CNTN4: variants seen among roughly 807,000 people sequenced by gnomAD.
The protein encoded by CNTN4 is contactin-4.
CNTN4 carries 77 observed loss-of-function variants against 122.5 expected under a neutral mutation model. The ratio of observed to expected loss-of-function variants is 0.63; its 90% CI spans 0.52 to 0.76. The LOEUF (loss-of-function observed/expected upper bound fraction) is 0.76. CNTN4 is among the 30% of genes least tolerant of loss of function. The pLI is 0.00. For missense variants in CNTN4, 1,256 were observed against 1,259.1 expected (o/e 1.00, Z 0.04); for synonymous variants, 512 against 447.0 (o/e 1.15, Z -1.83).
chr3:2,898,093 G>A (rs990216131), intron 10 of CNTN4, among the ~76,000 whole-genome samples: 4 of 152,086 alleles, frequency 2.6e-5, no homozygotes, highest in African/African-American at 9.7e-5. Flanking sequence ...AAACTCACTC[G>A]TTTAGATATG....
chr3:2,798,381 C>CTATCTATCTATCTATCTATCTATA (rs1367347201), intron 6 of CNTN4, among the ~76,000 whole-genome samples: 5 of 150,662 alleles, frequency 3.3e-5, no homozygotes, highest in Admixed American at 2.0e-4. Context: ...ATCTATCTAT[C>CTATCTATCTATCTATCTATCTATA]TATCTATCTA....
intron 3 of CNTN4, among the ~76,000 whole-genome samples, chr3:2,566,813 T>C (rs554725915): frequency 6.6e-6 from 1 of 152,296 alleles, no homozygotes; most frequent in South Asian, 2.1e-4. Flanking sequence ...CAGGAAGAAC[T>C]CAGTGTGCGT....
At position 3,056,392 on chromosome 3, in the gene CNTN4, C is replaced by G. The variant is rs553628297; in HGVS notation, c.*172C>G. The G allele has an allele frequency of 1.5e-4, 86 of 591,556 alleles. No homozygotes were observed. In the African/African-American group the frequency reaches 1.5e-3, roughly 11 times the overall value. The allele number at this position is 591,556 out of a possible 1,614,324, so 36.6% of individuals were successfully genotyped here. ...TATACAGTACTTCCTCAAAGCAAAT[C>G]TAGCTTTGTCTGAAGTTTCTTTGGA... is the stretch of plus-strand genomic sequence containing the variant. On this transcript the variant is annotated 3_prime_UTR_variant, in exon 25 of 25. Coordinates refer to ENST00000418658, the MANE Select transcript of CNTN4 (RefSeq NM_175607.3).
At chr3:2,833,857 G>A (rs1393985121) in intron 7 of CNTN4, among the ~76,000 whole-genome samples, 1 of 152,114 alleles carries the variant, frequency 6.6e-6, no homozygotes, top group East Asian at 1.9e-4. Context: ...ATAAACAACT[G>A]GGCTGGGCGA....
intron 2 of CNTN4, among the ~76,000 whole-genome samples, chr3:2,273,942 T>C (rs1482599180): frequency 6.6e-6 from 1 of 152,250 alleles, no homozygotes; most frequent in Non-Finnish European, 1.5e-5. Context: ...AGCATTATTT[T>C]ATTTTATATA....
chr3:3,045,716 G>A (rs893039341), intron 23 of CNTN4, among the ~76,000 whole-genome samples: 1 of 152,186 alleles, frequency 6.6e-6, no homozygotes, highest in African/African-American at 2.4e-5. Flanking sequence ...CTAAAAATCA[G>A]AGCACCTCTC....
intron 6 of CNTN4, among the ~76,000 whole-genome samples, chr3:2,753,255 G>A (rs1559466554): frequency 6.6e-6 from 1 of 152,118 alleles, no homozygotes; most frequent in Non-Finnish European, 1.5e-5. Flanking sequence ...ATAATTTCGT[G>A]AGCTTGAACA....
At chr3:2,836,621 A>T (rs1039871452) in intron 7 of CNTN4, among the ~76,000 whole-genome samples, 1 of 152,206 alleles carries the variant, frequency 6.6e-6, no homozygotes, top group African/African-American at 2.4e-5. Context: ...GGACATGTAT[A>T]TAAAATGAGA....
intron 13 of CNTN4, among the ~76,000 whole-genome samples, chr3:2,945,310 CTCA>C (rs1420887433): frequency 6.6e-6 from 1 of 152,150 alleles, no homozygotes; most frequent in Non-Finnish European, 1.5e-5. Flanking sequence ...GTCTGAATTT[CTCA>C]TCATGTTCAA....
At chr3:2,666,462 G>C (rs1213034641) in intron 4 of CNTN4, among the ~76,000 whole-genome samples, 2 of 152,128 alleles carry the variant, frequency 1.3e-5, no homozygotes, top group Non-Finnish European at 2.9e-5. Flanking sequence ...AGTGCAATAA[G>C]TGGCTCTTTT....
At chr3:2,158,716 A>G (rs937146486) in intron 2 of CNTN4, among the ~76,000 whole-genome samples, 9 of 152,218 alleles carry the variant, frequency 5.9e-5, no homozygotes, top group African/African-American at 2.2e-4. Flanking sequence ...TCCAGAAAAC[A>G]TGCAGCACGC....
intron 13 of CNTN4, among the ~76,000 whole-genome samples, chr3:2,981,407 G>A (rs930374135): frequency 1.3e-5 from 2 of 152,056 alleles, no homozygotes; most frequent in Admixed American, 6.5e-5. Flanking sequence ...TCGCAGCACT[G>A]CACTCCAGCC....
chr3:2,555,126 G>T (rs1332424777), intron 3 of CNTN4, among the ~76,000 whole-genome samples: 1 of 152,140 alleles, frequency 6.6e-6, no homozygotes, highest in African/African-American at 2.4e-5. Flanking sequence ...CTGATCATTT[G>T]GATATCTATA....
intron 4 of CNTN4, among the ~76,000 whole-genome samples, chr3:2,644,974 C>G (rs1481889777): frequency 1.3e-5 from 2 of 151,054 alleles, no homozygotes; most frequent in Non-Finnish European, 2.9e-5. Flanking sequence ...TTTGCCTAAA[C>G]TAAGTGGCAA....
chr3:2,481,747 T>C (rs1424023989), intron 3 of CNTN4, among the ~76,000 whole-genome samples: 1 of 152,102 alleles, frequency 6.6e-6, no homozygotes, highest in Non-Finnish European at 1.5e-5. Flanking sequence ...GGTTCTCCTA[T>C]GCTGTTCTCA....
intron 4 of CNTN4, among the ~76,000 whole-genome samples, chr3:2,642,724 C>T (rs1309829993): frequency 6.6e-6 from 1 of 152,170 alleles, no homozygotes; most frequent in Non-Finnish European, 1.5e-5. Flanking sequence ...TGATCACACA[C>T]ATATTTATTT....
intron 6 of CNTN4, among the ~76,000 whole-genome samples, chr3:2,789,526 G>A (rs573327293): frequency 3.0e-4 from 45 of 152,186 alleles, no homozygotes; most frequent in African/African-American, 1.0e-3. Flanking sequence ...TCCGCCTCCC[G>A]GGTTCAAGTG....
At chr3:2,856,264 C>A (rs954921638) in intron 7 of CNTN4, among the ~76,000 whole-genome samples, 9 of 152,046 alleles carry the variant, frequency 5.9e-5, no homozygotes, top group African/African-American at 2.2e-4. Flanking sequence ...CAGTTACAAA[C>A]AAATTTCAAC....
chr3:2,940,157 G>A (rs1264602216), intron 13 of CNTN4, among the ~76,000 whole-genome samples: 1 of 152,182 alleles, frequency 6.6e-6, no homozygotes, highest in Non-Finnish European at 1.5e-5. Flanking sequence ...AAGCAAAAGG[G>A]CTGTGGACAG....
Sources: gnomAD v4.1 joint callset for allele counts (sites outside exome capture counted in the v4.1 genomes callset) on GRCh38, gnomAD v4.1.1 for gene constraint, MANE v1.5 for transcripts, NCBI Gene and HGNC (gene_info 2026-07-23, HGNC 2026-07-21) for gene names.